The following GDI2 variants were observed in gnomAD, a reference collection of about 807,000 sequenced individuals.
GDI2 encodes GDP dissociation inhibitor 2.
In GDI2, 22 loss-of-function variants were observed where a neutral mutation model predicts 54.2. The ratio of observed to expected loss-of-function variants is 0.41; its 90% confidence interval spans 0.29 to 0.58. GDI2 has a LOEUF of 0.58. Ranked by LOEUF, GDI2 falls within the 20% of genes least tolerant of loss-of-function variation. GDI2 has a pLI of 0.35. For missense variants in GDI2, 422 were observed against 546.0 expected, an observed-to-expected ratio of 0.77 and a Z score of 2.26; for synonymous variants, 177 against 182.1, an observed-to-expected ratio of 0.97 and a Z score of 0.23.
At position 5,780,380 on chromosome 10, in the gene GDI2, C is replaced by T. The variant is rs539498233; in HGVS notation, c.719+4762G>A. On this transcript the variant is annotated intron_variant, in intron 6 of 10. Transcript: ENST00000380191. Reference sequence around the variant, plus strand: ...AAACTGGGAACAAAGCAAGGACGTCCATTCTCATCCCTGCGACATTATCAG... The same window carrying T: ...AAACTGGGAACAAAGCAAGGACGTCTATTCTCATCCCTGCGACATTATCAG... Among the ~76,000 whole-genome samples, 10 of 150,964 alleles carry T rather than the reference C, an allele frequency of 6.6e-5. No homozygotes were observed. The South Asian group carries it at 1.9e-3, about 28-fold the overall frequency.
At chr10:5,783,534 T>C (rs183312772) in intron 6 of GDI2, among the ~76,000 whole-genome samples, 24 of 152,324 alleles carry the variant, frequency 1.6e-4, no homozygotes, top group African/African-American at 4.3e-4. Flanking sequence ...CATTGTGTTA[T>C]TGTTTTATAG....
At chr10:5,773,981 G>T (rs1485614173) in intron 6 of GDI2, 40 bp from the exon 7 acceptor site, 2 of 809,532 alleles carry the variant, frequency 2.5e-6, no homozygotes, top group Non-Finnish European at 2.1e-6. Flanking sequence ...ATATATAGTT[G>T]TTTCAACTCC....
chr10:5,775,263 G>A (rs545340948), intron 6 of GDI2, among the ~76,000 whole-genome samples: 7 of 145,244 alleles, frequency 4.8e-5, no homozygotes, highest in East Asian at 2.6e-4. Context: ...ACTCCAGCCC[G>A]GGTAACAAAG....
At position 5,800,917 on chromosome 10, in the gene GDI2, T is replaced by C. The variant is rs561557010; in HGVS notation, c.46-212A>G. Among the ~76,000 whole-genome samples the C allele has an allele frequency of 1.4e-3, 216 of 152,276 alleles. 1 individual carries two copies. Among genetic ancestry groups the C allele is most frequent in the African/African-American group, 4.9e-3 (202 of 41,556 alleles). On this transcript the variant is annotated intron_variant, in intron 1 of 10. Transcript: ENST00000380191. Reference sequence around the variant, plus strand: ...TCCCAAGATTAAAACTGTTTCATAATAACACTAAGACATTAGTCACCTTTT... The same window carrying C: ...TCCCAAGATTAAAACTGTTTCATAACAACACTAAGACATTAGTCACCTTTT...
intron 1 of GDI2, among the ~76,000 whole-genome samples, chr10:5,804,497 A>T (rs905252087): frequency 6.6e-6 from 1 of 152,204 alleles, no homozygotes; most frequent in Non-Finnish European, 1.5e-5. Flanking sequence ...CAGCACTCTC[A>T]TAATTTCTAA....
intron 1 of GDI2, among the ~76,000 whole-genome samples, chr10:5,803,885 AAT>A (rs1392977226): frequency 6.6e-6 from 1 of 152,136 alleles, no homozygotes; most frequent in Admixed American, 6.6e-5. Context: ...ATAAATCTTT[AAT>A]ATTTCTCAAA....
chr10:5,803,064 C>T (rs1055861243), intron 1 of GDI2, among the ~76,000 whole-genome samples: 6 of 152,136 alleles, frequency 3.9e-5, no homozygotes, highest in Non-Finnish European at 8.8e-5. Context: ...GACAATATAT[C>T]GCAACAGAAC....
chr10:5,793,566 G>C (rs1316347192), intron 4 of GDI2, among the ~76,000 whole-genome samples: 1 of 151,954 alleles, frequency 6.6e-6, no homozygotes, highest in Non-Finnish European at 1.5e-5. Context: ...GAAGTTAATA[G>C]AGGAAACTGC....
In GDI2 at chr10:5,795,023, GAA is replaced by G. The variant is rs1564396333; in HGVS notation, c.254-6_254-5del. 1 of 1,561,000 alleles carries G rather than the reference GAA, an allele frequency of 6.4e-7. No individual in the cohort carries two copies. Among genetic ancestry groups the G allele is most frequent in the Non-Finnish European group, 8.8e-7 (1 of 1,134,098 alleles). ...AGCAGCATCTTAACCAGCTGACCTA[GAA>G]AAGTCACATAATTCAAACTATAACT... On this transcript the variant is annotated splice_polypyrimidine_tract_variant and splice_region_variant and intron_variant, in intron 3 of 10. Transcript: ENST00000380191.
Position 5,766,655 on chromosome 10 carries a change from C to T in GDI2, c.992-17G>A. ...CGTAGATATCTAGAAACAAATGATA[C>T]CAGCTCACTGCCTCAAGTGTCTCCA... On this transcript the variant is annotated splice_polypyrimidine_tract_variant and intron_variant, in intron 8 of 10. Coordinates refer to ENST00000380191, the MANE Select transcript of GDI2 (RefSeq NM_001494.4). The surrounding 1 kb of genome is among the most constrained non-coding windows in gnomAD (Gnocchi z 5.8). 6.2e-7 allele frequency: 1 copy of T among 1,609,430 alleles called. No individual in the cohort carries two copies. Among genetic ancestry groups the T allele is most frequent in the African/African-American group, 1.3e-5 (1 of 74,916 alleles).
chr10:5,766,429 CA>C lies in GDI2; in HGVS notation c.1136+64del. ...ACCTGCCTTGCCCTCACATTCGTCCCACCATGGAGCCACAATCAAAGGCCTC... is the reference window on the plus strand; with the variant it reads ...ACCTGCCTTGCCCTCACATTCGTCCCCCATGGAGCCACAATCAAAGGCCTC... On this transcript the variant is annotated intron_variant, in intron 9 of 10. Coordinates refer to ENST00000380191, the MANE Select transcript of GDI2 (RefSeq NM_001494.4). This position sits in a 1 kb window ranked among gnomAD's most constrained non-coding sequence, Gnocchi z 5.8. The C allele has an allele frequency of 6.3e-7, 1 of 1,581,172 alleles. No homozygotes were observed. Among genetic ancestry groups the C allele is most frequent in the Non-Finnish European group, 8.7e-7 (1 of 1,151,030 alleles).
chr10:5,799,945 T>A (rs146795707), intron 2 of GDI2, among the ~76,000 whole-genome samples: 2 of 152,344 alleles, frequency 1.3e-5, no homozygotes, highest in Admixed American at 1.3e-4. Flanking sequence ...ATACATCGTA[T>A]TATTCTTTAA....
chr10:5,766,852 T>C lies in GDI2; in HGVS notation c.992-214A>G, dbSNP rs1168079796. 2.0e-5 allele frequency among the ~76,000 whole-genome samples: 3 copies of C among 152,204 alleles called. No homozygotes were observed. Among genetic ancestry groups the C allele is most frequent in the African/African-American group, 4.8e-5 (2 of 41,454 alleles). On this transcript the variant is annotated intron_variant, in intron 8 of 10. Coordinates refer to ENST00000380191, the MANE Select transcript of GDI2 (RefSeq NM_001494.4). This position sits in a 1 kb window ranked among gnomAD's most constrained non-coding sequence, Gnocchi z 5.8. ...CTTTTAACCTACTAGAGATTAAGAA[T>C]TGAAGTGGTAGCGAACTGCTGAAGT... is the stretch of plus-strand genomic sequence containing the variant.
rs144703155 is a variant in GDI2, at chr10:5,789,826, C to A, written c.389-3776G>T. On this transcript the variant is annotated intron_variant, in intron 4 of 10. Coordinates refer to ENST00000380191, the MANE Select transcript of GDI2 (RefSeq NM_001494.4). ...AAGATGTAGTATTAAGTCTTAACTG[C>A]GTAAGATTAACTGCAGTACATACTG... Among the ~76,000 whole-genome samples the A allele has an allele frequency of 2.6e-5, 4 of 152,278 alleles. No individual in the cohort carries two copies. In the East Asian group the frequency reaches 5.8e-4, roughly 22 times the overall value.
At chr10:5,806,748 T>C (rs577627808) in intron 1 of GDI2, among the ~76,000 whole-genome samples, 1 of 152,094 alleles carries the variant, frequency 6.6e-6, no homozygotes, top group Non-Finnish European at 1.5e-5. Flanking sequence ...AACATATAGT[T>C]CCACATATGA....
Position 5,774,553 on chromosome 10 carries a change from C to T in GDI2, c.720-612G>A, listed in dbSNP as rs971295512. 2.0e-5 allele frequency among the ~76,000 whole-genome samples: 3 copies of T among 152,092 alleles called. No homozygotes were observed. Among genetic ancestry groups the T allele is most frequent in the African/African-American group, 4.8e-5 (2 of 41,404 alleles). ...ACTCTCCCGCTTGCTAACCAATCAC[C>T]GGAACAGTTCCTCTCGGCCGCAGCG... On this transcript the variant is annotated intron_variant, in intron 6 of 10. Transcript: ENST00000380191. The surrounding 1 kb of genome is among the most constrained non-coding windows in gnomAD (Gnocchi z 4.8).
At chr10:5,780,992 T>C (rs1840741842) in intron 6 of GDI2, among the ~76,000 whole-genome samples, 1 of 152,086 alleles carries the variant, frequency 6.6e-6, no homozygotes, top group African/African-American at 2.4e-5. Context: ...CAAGACTTAA[T>C]ATAAAACTAT....
At chr10:5,800,292 G>A (rs1301623545) in intron 2 of GDI2, among the ~76,000 whole-genome samples, 1 of 151,990 alleles carries the variant, frequency 6.6e-6, no homozygotes, top group African/African-American at 2.4e-5. Flanking sequence ...AAAAATCTTT[G>A]AGGGACTGAG....
intron 1 of GDI2, among the ~76,000 whole-genome samples, chr10:5,802,867 A>AT (rs892824656): frequency 6.6e-6 from 1 of 152,236 alleles, no homozygotes; most frequent in Non-Finnish European, 1.5e-5. Flanking sequence ...GGGTGTTAAT[A>AT]TATCAGAATA....
Sources: allele counts gnomAD v4.1 joint callset (sites outside exome capture counted in the v4.1 genomes callset), GRCh38; gene constraint gnomAD v4.1.1; non-coding constraint Gnocchi (gnomAD v3.1); transcripts MANE v1.5; gene names NCBI Gene and HGNC (gene_info 2026-07-23, HGNC 2026-07-21).